The following TAF12 variants were observed in gnomAD, a reference collection of about 807,000 sequenced individuals.
TAF12 encodes transcription initiation factor TFIID subunit 12.
In TAF12, 3 loss-of-function variants were observed where a neutral mutation model predicts 20.8. The observed-to-expected ratio is 0.14, with a 90% confidence interval of 0.07 to 0.37. TAF12 has a LOEUF of 0.37. TAF12 is among the 10% of genes least tolerant of loss of function. TAF12 has a pLI of 1.00. For missense variants in TAF12, 131 were observed against 197.9 expected (o/e 0.66, Z 2.03); for synonymous variants, 69 against 70.2 (o/e 0.98, Z 0.09).
upstream of TAF12, among the ~76,000 whole-genome samples, chr1:28,646,594 A>G (rs1181682335): frequency 6.6e-6 from 1 of 152,012 alleles, no homozygotes; most frequent in Non-Finnish European, 1.5e-5. Flanking sequence ...GCAATGGCAC[A>G]GTCTCGGCTC....
chr1:28,629,477 G>C (rs991989662), intron 1 of TAF12, among the ~76,000 whole-genome samples: 7 of 152,186 alleles, frequency 4.6e-5, no homozygotes, highest in Middle Eastern at 3.4e-3. Flanking sequence ...GGGATTACAG[G>C]CACGTACTAC....
chr1:28,620,134 A>C (rs928292088), intron 2 of TAF12, among the ~76,000 whole-genome samples: 3 of 151,958 alleles, frequency 2.0e-5, no homozygotes, highest in African/African-American at 7.3e-5. Flanking sequence ...AAAAAGAAAA[A>C]AAATTTTTTT....
chr1:28,638,538 T>A (rs566936467), intron 1 of TAF12, among the ~76,000 whole-genome samples: 10 of 148,732 alleles, frequency 6.7e-5, no homozygotes, highest in African/African-American at 1.2e-4. Context: ...TCACCCAGGC[T>A]GGAGTGGCGC....
intron 4 of TAF12, among the ~76,000 whole-genome samples, chr1:28,610,403 T>C (rs1426281758): frequency 6.6e-6 from 1 of 152,202 alleles, no homozygotes; most frequent in Non-Finnish European, 1.5e-5. Context: ...GTGATCCTCC[T>C]GTCTTAGCTT....
chr1:28,628,694 G>A (rs1667520706), intron 1 of TAF12, among the ~76,000 whole-genome samples: 1 of 151,962 alleles, frequency 6.6e-6, no homozygotes, highest in African/African-American at 2.4e-5. Context: ...AAAATGAGGA[G>A]GCTCACGAAA....
intron 2 of TAF12, among the ~76,000 whole-genome samples, chr1:28,618,313 G>A (rs148354927): frequency 6.6e-6 from 1 of 152,258 alleles, no homozygotes; most frequent in African/African-American, 2.4e-5. Flanking sequence ...TTCACATGTA[G>A]AAATTTGCAA....
At chr1:28,640,954 G>A (rs1428292629) in intron 1 of TAF12, among the ~76,000 whole-genome samples, 2 of 152,074 alleles carry the variant, frequency 1.3e-5, no homozygotes, top group Non-Finnish European at 2.9e-5. Context: ...GCTCATACCT[G>A]CAGTCCCAGG....
At chr1:28,610,916 C>A (rs1042879785) in intron 4 of TAF12, among the ~76,000 whole-genome samples, 1 of 146,308 alleles carries the variant, frequency 6.8e-6, no homozygotes, top group Non-Finnish European at 1.5e-5. Flanking sequence ...GCCAAGATTG[C>A]GCCACTGCAC....
intron 4 of TAF12, 86 bp from the exon 5 acceptor site, chr1:28,605,546 T>G: frequency 7.9e-7 from 1 of 1,261,946 alleles, no homozygotes; most frequent in Non-Finnish European, 1.1e-6. Flanking sequence ...TCAGGGAGGA[T>G]GAATGTGGGC....
chr1:28,632,927 G>A (rs989160283), intron 1 of TAF12, among the ~76,000 whole-genome samples: 9 of 152,006 alleles, frequency 5.9e-5, no homozygotes, highest in Non-Finnish European at 1.3e-4. Flanking sequence ...GCAATAGAAC[G>A]ATTTCAGCTC....
chr1:28,609,975 G>C (rs946734840), intron 4 of TAF12, among the ~76,000 whole-genome samples: 2 of 151,364 alleles, frequency 1.3e-5, no homozygotes, highest in Non-Finnish European at 1.5e-5. Context: ...TGTTGTGGGG[G>C]ATTATTTTTT....
intron 1 of TAF12, among the ~76,000 whole-genome samples, chr1:28,636,676 C>T (rs1216614392): frequency 6.6e-6 from 1 of 151,712 alleles, no homozygotes; most frequent in African/African-American, 2.4e-5. Context: ...TGGCATGCAG[C>T]TGTGGTCCCA....
chr1:28,605,098 TAGA>T (rs1308946478), intron 5 of TAF12, among the ~76,000 whole-genome samples: 1 of 152,146 alleles, frequency 6.6e-6, no homozygotes, highest in Non-Finnish European at 1.5e-5. Flanking sequence ...GCATCCATAT[TAGA>T]AGAACCCAGA....
At chr1:28,639,868 G>A (rs1378227147) in intron 1 of TAF12, among the ~76,000 whole-genome samples, 1 of 149,876 alleles carries the variant, frequency 6.7e-6, no homozygotes, top group African/African-American at 2.5e-5. Context: ...TTCAGACAGA[G>A]TCTCATTCTG....
Position 28,603,428 on chromosome 1 carries a change from A to G in TAF12, c.*111T>C. ...TATTGCTGCACTGTTAATAAAAAAT[A>G]TATGCTTCTCTGTAAAGCATTAAAA... is the stretch of plus-strand genomic sequence containing the variant. On this transcript the variant is annotated 3_prime_UTR_variant, in exon 6 of 6. Transcript: ENST00000373824. 11 of 1,142,390 alleles carry G rather than the reference A, an allele frequency of 9.6e-6. No individual in the cohort carries two copies. Among genetic ancestry groups the G allele is most frequent in the Non-Finnish European group, 1.4e-5 (11 of 772,620 alleles). The allele number at this position is 1,142,390 out of a possible 1,614,324, so 70.8% of individuals were successfully genotyped here.
intron 4 of TAF12, 112 bp from the exon 5 acceptor site, chr1:28,605,572 C>A: frequency 1.1e-6 from 1 of 934,224 alleles, no homozygotes; most frequent in South Asian, 1.6e-5. Context: ...GCTACTAACT[C>A]CACAAAGGGA....
At chr1:28,617,092 C>T (rs190505571) in intron 3 of TAF12, among the ~76,000 whole-genome samples, 4 of 151,928 alleles carry the variant, frequency 2.6e-5, no homozygotes, top group African/African-American at 9.7e-5. Context: ...TGCACTCCAG[C>T]GTGGGCATCA....
At chr1:28,636,773 C>T (rs907793711) in intron 1 of TAF12, among the ~76,000 whole-genome samples, 9 of 151,446 alleles carry the variant, frequency 5.9e-5, no homozygotes, top group African/African-American at 1.7e-4. Context: ...TGCACTCCAA[C>T]GTGGGTGACA....
At chr1:28,606,869 T>C (rs1557456068) in intron 4 of TAF12, among the ~76,000 whole-genome samples, 1 of 152,276 alleles carries the variant, frequency 6.6e-6, no homozygotes, top group East Asian at 1.9e-4. Context: ...GTAACAACAG[T>C]AATAACCACT....
Sources: gnomAD v4.1 joint callset for allele counts (sites outside exome capture counted in the v4.1 genomes callset) on GRCh38, gnomAD v4.1.1 for gene constraint, MANE v1.5 for transcripts, NCBI Gene and HGNC (gene_info 2026-07-23, HGNC 2026-07-21) for gene names.